Variants in TENM3 observed in about 807,000 individuals in gnomAD.
TENM3 encodes the protein teneurin transmembrane protein 3.
Under a neutral mutation model 255.1 loss-of-function variants are expected in TENM3, and 63 were observed. The ratio of observed to expected loss-of-function variants is 0.25; its 90% CI spans 0.20 to 0.30. The LOEUF is 0.30. Ranked by LOEUF, TENM3 falls within the 10% of genes least tolerant of loss-of-function variation. The pLI is 1.00. For synonymous variants in TENM3, 1,306 were observed against 1,322.3 expected (o/e 0.99, Z 0.27); for missense variants, 2,929 against 3,461.1 (o/e 0.85, Z 3.86).
chr4:182,425,830 A>G (rs1205472721), intron 3 of TENM3, among the ~76,000 whole-genome samples: 1 of 152,090 alleles, frequency 6.6e-6, no homozygotes, highest in African/African-American at 2.4e-5. Context: ...CAACATGGTG[A>G]AACCCTGTCT....
intron 2 of TENM3, among the ~76,000 whole-genome samples, chr4:182,330,669 C>A (rs1400315273): frequency 6.6e-6 from 1 of 152,214 alleles, no homozygotes; most frequent in Non-Finnish European, 1.5e-5. Flanking sequence ...ACAGTGTACA[C>A]ACACCGTCTA....
At chr4:182,743,026 TC>T in intron 18 of TENM3, 143 bp from the exon 19 acceptor site, 1 of 853,912 alleles carries the variant, frequency 1.2e-6, no homozygotes, top group Non-Finnish European at 1.8e-6. Context: ...TGAATACAAT[TC>T]ATTCCAATGG....
At chr4:181,771,870 T>C in the TENM3 span, among the ~76,000 whole-genome samples, 2 of 152,218 alleles carry the variant, frequency 1.3e-5, no homozygotes, top group Non-Finnish European at 2.9e-5. Flanking sequence ...ATTCTAAAGA[T>C]GCTACACTCA....
rs924705941 is a variant in TENM3, at chr4:182,463,168, A to T, written c.511+116239A>T. 2.8e-4 allele frequency among the ~76,000 whole-genome samples: 43 copies of T among 152,166 alleles called. 1 individual carries two copies. Among genetic ancestry groups the T allele is most frequent in the Admixed American group, 2.8e-3 (43 of 15,276 alleles). ...TCAACCGTAGTTGAAACAAATAGAA[A>T]AATGAAAATTTTAATTTTTTTAAGC... On this transcript the variant is annotated intron_variant, in intron 3 of 27. Coordinates refer to ENST00000511685, the MANE Select transcript of TENM3 (RefSeq NM_001080477.4).
At chr4:181,919,284 C>G in the TENM3 span, among the ~76,000 whole-genome samples, 21 of 151,876 alleles carry the variant, frequency 1.4e-4, no homozygotes, top group Non-Finnish European at 2.9e-4. Flanking sequence ...TTTTCCAGCA[C>G]CAAAGTGGTG....
intron 3 of TENM3, among the ~76,000 whole-genome samples, chr4:182,438,175 AT>A (rs758086867): frequency 5.3e-5 from 8 of 152,192 alleles, no homozygotes; most frequent in Non-Finnish European, 7.3e-5. Context: ...TAGAGAATTT[AT>A]AGAGAAGTAG....
chr4:181,510,803 G>A, the TENM3 span, among the ~76,000 whole-genome samples: 1 of 152,102 alleles, frequency 6.6e-6, no homozygotes, highest in Non-Finnish European at 1.5e-5. Flanking sequence ...CAAAGATAAG[G>A]TTCATCCTTT....
At chr4:181,603,311 T>C in the TENM3 span, among the ~76,000 whole-genome samples, 2 of 152,228 alleles carry the variant, frequency 1.3e-5, no homozygotes, top group East Asian at 3.9e-4. Flanking sequence ...GCAATAATTT[T>C]ATTGTTGGGG....
At chr4:181,735,289 A>T in the TENM3 span, among the ~76,000 whole-genome samples, 5 of 152,226 alleles carry the variant, frequency 3.3e-5, no homozygotes, top group Non-Finnish European at 7.4e-5. Context: ...GTTACAAGAA[A>T]ATAATGTGGT....
chr4:182,043,673 G>A, the TENM3 span, among the ~76,000 whole-genome samples: 1 of 152,068 alleles, frequency 6.6e-6, no homozygotes, highest in Non-Finnish European at 1.5e-5. Context: ...CGGGGAATTG[G>A]GTGCACAGTT....
chr4:182,686,952 C>T (rs6552593), intron 11 of TENM3, among the ~76,000 whole-genome samples: 151,903 of 152,204 alleles, frequency 1, 75,804 homozygotes, highest in Middle Eastern at 1. Flanking sequence ...AAAAAACCTG[C>T]GTGCTACCCT....
chr4:181,567,993 A>C, the TENM3 span, among the ~76,000 whole-genome samples: 2 of 152,114 alleles, frequency 1.3e-5, no homozygotes, highest in Non-Finnish European at 2.9e-5. Flanking sequence ...ACAGAAAAAA[A>C]AATCATATAT....
intron 3 of TENM3, among the ~76,000 whole-genome samples, chr4:182,351,451 C>T (rs988325660): frequency 1.3e-5 from 2 of 152,156 alleles, no homozygotes; most frequent in East Asian, 1.9e-4. Context: ...TTCATTCATC[C>T]CCTGTGACAG....
the TENM3 span, among the ~76,000 whole-genome samples, chr4:181,771,218 G>A: frequency 6.6e-6 from 1 of 152,262 alleles, no homozygotes; most frequent in Middle Eastern, 3.4e-3. Flanking sequence ...AGAAAGAGAG[G>A]AATTCCAGGA....
the TENM3 span, among the ~76,000 whole-genome samples, chr4:181,918,845 G>A: frequency 6.6e-6 from 1 of 151,954 alleles, no homozygotes; most frequent in Non-Finnish European, 1.5e-5. Flanking sequence ...TATCAGAAAT[G>A]GACCCTATTC....
chr4:182,224,919 T>C (rs910343599), intron 1 of TENM3, among the ~76,000 whole-genome samples: 15 of 151,888 alleles, frequency 9.9e-5, no homozygotes, highest in African/African-American at 3.6e-4. Context: ...GTATTTTTAG[T>C]GACGGGGTTT....
chr4:181,694,497 G>C, the TENM3 span, among the ~76,000 whole-genome samples: 2 of 152,158 alleles, frequency 1.3e-5, no homozygotes, highest in Non-Finnish European at 2.9e-5. Context: ...CAGTTTTAAA[G>C]CAAAGGCAAG....
chr4:182,743,441 G>T (rs780672850), intron 19 of TENM3, 22 bp downstream of exon 19: 1 of 1,607,226 alleles, frequency 6.2e-7, no homozygotes, highest in South Asian at 1.1e-5. Flanking sequence ...CTAAATTTGG[G>T]CTTTTAACCA....
chr4:181,607,187 A>G, the TENM3 span, among the ~76,000 whole-genome samples: 1 of 152,046 alleles, frequency 6.6e-6, no homozygotes, highest in African/African-American at 2.4e-5. Flanking sequence ...CATCTTTAAG[A>G]TCAAGAATAT....
Sources: gnomAD v4.1 joint callset for allele counts (sites outside exome capture counted in the v4.1 genomes callset) on GRCh38, gnomAD v4.1.1 for gene constraint, MANE v1.5 for transcripts, NCBI Gene and HGNC (gene_info 2026-07-23, HGNC 2026-07-21) for gene names.